Variants in CDH4 observed in about 807,000 individuals in gnomAD.
CDH4 encodes cadherin 4, also known as cadherin-4.
A neutral mutation model predicts 86.0 loss-of-function variants in CDH4; 33 were observed. That is an observed-to-expected ratio of 0.38 (90% CI 0.29 to 0.51). The LOEUF is 0.51. Ranked by LOEUF, CDH4 falls within the 20% of genes least tolerant of loss-of-function variation. The pLI is 0.86. For missense variants in CDH4, 1,114 were observed against 1,307.4 expected (o/e 0.85, Z 2.28); for synonymous variants, 555 against 549.4 (o/e 1.01, Z -0.14).
At chr20:61,857,613 C>T (rs888350570) in intron 6 of CDH4, among the ~76,000 whole-genome samples, 1 of 152,268 alleles carries the variant, frequency 6.6e-6, no homozygotes. Context: ...ACCCAAGCTT[C>T]GCCACTTTCG....
chr20:61,796,977 C>A (rs1979562376), intron 4 of CDH4, among the ~76,000 whole-genome samples: 1 of 152,112 alleles, frequency 6.6e-6, no homozygotes, highest in African/African-American at 2.4e-5. Flanking sequence ...CCATACAGCG[C>A]CAGCTGTGGC....
Position 61,817,081 on chromosome 20 carries a change from G to A in CDH4, c.577-27587G>A, listed in dbSNP as rs187419613. On this transcript the variant is annotated intron_variant, in intron 4 of 15. Transcript: ENST00000614565. The stretch of plus-strand genomic sequence containing the variant: ...TTCACTCCTTGGCTGGGCACATGGC[G>A]ACCCCCACTTTGTCTGACTGTGTTT... 1.1e-3 allele frequency among the ~76,000 whole-genome samples: 165 copies of A among 152,294 alleles called. 3 individuals carry two copies. The highest frequency in any genetic ancestry group is 3.9e-3 in the African/African-American group (163 of 41,556).
At chr20:61,842,459 C>T (rs1172545429) in intron 4 of CDH4, among the ~76,000 whole-genome samples, 1 of 152,228 alleles carries the variant, frequency 6.6e-6, no homozygotes, top group East Asian at 1.9e-4. Context: ...AGCGAGCTGA[C>T]CTGTCCTCAG....
At chr20:61,861,404 G>A (rs1983316925) in intron 6 of CDH4, among the ~76,000 whole-genome samples, 1 of 152,196 alleles carries the variant, frequency 6.6e-6, no homozygotes, top group Non-Finnish European at 1.5e-5. Flanking sequence ...CATACAACAT[G>A]AGGAAGTGAA....
At chr20:61,631,878 C>T (rs1427236046) in intron 2 of CDH4, among the ~76,000 whole-genome samples, 1 of 152,252 alleles carries the variant, frequency 6.6e-6, no homozygotes, top group African/African-American at 2.4e-5. Context: ...GGAGGCGTGT[C>T]CTCCCTTGCA....
At chr20:61,726,173 G>A (rs2088108845) in intron 2 of CDH4, among the ~76,000 whole-genome samples, 1 of 152,096 alleles carries the variant, frequency 6.6e-6, no homozygotes, top group Non-Finnish European at 1.5e-5. Context: ...AGCAACAAGT[G>A]TGTCTGGGTA....
At chr20:61,360,352 G>A (rs2084776953) in intron 2 of CDH4, among the ~76,000 whole-genome samples, 1 of 152,224 alleles carries the variant, frequency 6.6e-6, no homozygotes, top group Non-Finnish European at 1.5e-5. Flanking sequence ...GGGCTGGTGT[G>A]TGCCCTCGGA....
At chr20:61,724,153 G>A (rs1054272997) in intron 2 of CDH4, among the ~76,000 whole-genome samples, 2 of 151,854 alleles carry the variant, frequency 1.3e-5, no homozygotes, top group African/African-American at 4.8e-5. Flanking sequence ...CCATGCAGGG[G>A]GCACAGGATG....
At chr20:61,524,361 G>T (rs2085895175) in intron 2 of CDH4, among the ~76,000 whole-genome samples, 1 of 152,202 alleles carries the variant, frequency 6.6e-6, no homozygotes, top group East Asian at 1.9e-4. Flanking sequence ...TCGTGCGATT[G>T]TGTCGGCATC....
chr20:61,853,480 A>G (rs77708408), intron 6 of CDH4, among the ~76,000 whole-genome samples: 65 of 152,192 alleles, frequency 4.3e-4, no homozygotes, highest in African/African-American at 1.5e-3. Flanking sequence ...AGCTGACCCA[A>G]GAGCCTGTCC....
chr20:61,890,062 A>G (rs1984743725), intron 7 of CDH4, among the ~76,000 whole-genome samples: 2 of 136,812 alleles, frequency 1.5e-5, no homozygotes, highest in East Asian at 5.0e-4. Context: ...TGGATAGATG[A>G]TGGATGCATG....
At chr20:61,853,926 A>G (rs543788135) in intron 6 of CDH4, among the ~76,000 whole-genome samples, 141 of 152,310 alleles carry the variant, frequency 9.3e-4, no homozygotes, top group African/African-American at 3.2e-3. Flanking sequence ...GGCCACCCCT[A>G]AAGTACAAGA....
chr20:61,397,528 G>A (rs916602705), intron 2 of CDH4, among the ~76,000 whole-genome samples: 5 of 151,938 alleles, frequency 3.3e-5, no homozygotes, highest in African/African-American at 9.7e-5. Context: ...GACCGAACTT[G>A]AAACCTGGGT....
chr20:61,304,634 A>G (rs1728460490), intron 2 of CDH4, among the ~76,000 whole-genome samples: 1 of 152,184 alleles, frequency 6.6e-6, no homozygotes, highest in Admixed American at 6.5e-5. Flanking sequence ...AGGACAGCAG[A>G]AGGGGTGCTA....
chr20:61,930,271 C>T (rs533765652), intron 13 of CDH4, among the ~76,000 whole-genome samples: 78 of 152,344 alleles, frequency 5.1e-4, no homozygotes, highest in African/African-American at 1.9e-3. Flanking sequence ...ACATGCACAC[C>T]TTGGAGCCAA....
In CDH4 at chr20:61,803,594, A is replaced by G. The variant is rs560889241; in HGVS notation, c.576+30412A>G. 3.9e-5 allele frequency among the ~76,000 whole-genome samples: 6 copies of G among 152,364 alleles called. No individual in the cohort carries two copies. In the East Asian group the frequency reaches 1.2e-3, roughly 29 times the overall value. On this transcript the variant is annotated intron_variant, in intron 4 of 15. Transcript: ENST00000614565. ...AGTTCTGCTACCGCGGGCGAGCCGC[A>G]GGCCTGGTGGCCTGGAGGGTGGGGC...
chr20:61,513,445 G>A (rs2085795221), intron 2 of CDH4, among the ~76,000 whole-genome samples: 1 of 152,122 alleles, frequency 6.6e-6, no homozygotes, highest in Admixed American at 6.5e-5. Context: ...CAACCTCACA[G>A]CAACCCCACA....
Position 61,705,867 on chromosome 20 carries a change from C to T in CDH4, c.170-37696C>T, listed in dbSNP as rs768793352. The stretch of plus-strand genomic sequence containing the variant: ...TTGTGTCAACAGTGAAAAATTACAT[C>T]ACTAGCAGACAAATCAAATACCCCA... On this transcript the variant is annotated intron_variant, in intron 2 of 15. Transcript: ENST00000614565. Among the ~76,000 whole-genome samples the T allele has an allele frequency of 7.9e-4, 120 of 152,380 alleles. 1 individual carries two copies. In the Middle Eastern group the frequency reaches 0.01, roughly 13 times the overall value.
At chr20:61,923,840 G>A (rs1218446592) in intron 10 of CDH4, 136 bp downstream of exon 10, 14 of 1,110,528 alleles carry the variant, frequency 1.3e-5, no homozygotes, top group Middle Eastern at 5.9e-4. Flanking sequence ...AACCTAAGGC[G>A]TCCTTCCAGG....
Sources: allele counts gnomAD v4.1 joint callset (sites outside exome capture counted in the v4.1 genomes callset), GRCh38; gene constraint gnomAD v4.1.1; transcripts MANE v1.5; gene names NCBI Gene and HGNC (gene_info 2026-07-23, HGNC 2026-07-21).